HDGFL3: variants seen among roughly 807,000 people sequenced by gnomAD.
The protein encoded by HDGFL3 is hepatoma-derived growth factor-related protein 3.
A neutral mutation model predicts 27.6 loss-of-function variants in HDGFL3; 6 were observed. The ratio of observed to expected loss-of-function variants is 0.22; its 90% CI spans 0.12 to 0.43. The LOEUF (loss-of-function observed/expected upper bound fraction) is 0.43, where lower values mean the gene tolerates loss of function less well. Ranked by LOEUF, HDGFL3 falls within the 20% of genes least tolerant of loss-of-function variation. HDGFL3 has a pLI of 1.00. For missense variants in HDGFL3, 207 were observed against 250.1 expected (o/e 0.83, Z 1.16); for synonymous variants, 88 against 88.9 (o/e 0.99, Z 0.05).
intron 4 of HDGFL3, among the ~76,000 whole-genome samples, chr15:83,153,052 T>C (rs1456764890): frequency 6.8e-6 from 1 of 147,564 alleles, no homozygotes; most frequent in African/African-American, 2.5e-5. Context: ...TGGAGTGCCG[T>C]GGGGCTATCT....
In HDGFL3 at chr15:83,136,435, G is replaced by A. The variant is rs1252437788; in HGVS notation, c.*2835C>T. On this transcript the variant is annotated 3_prime_UTR_variant, in exon 6 of 6. Transcript: ENST00000299633. The stretch of plus-strand genomic sequence containing the variant: ...TTCAGAACTCATCATGCATCCAACT[G>A]AACACGTTTCATGCTTACTCAATTT... 6.6e-7 allele frequency: 1 copy of A among 1,514,618 alleles called. No individual in the cohort carries two copies. The highest frequency in any genetic ancestry group is 8.9e-7 in the Non-Finnish European group (1 of 1,128,670). 93.8% of individuals were successfully genotyped at this position (1,514,618 alleles called of 1,614,324 possible).
intron 5 of HDGFL3, among the ~76,000 whole-genome samples, chr15:83,139,804 CAT>C (rs999487459): frequency 2.6e-5 from 4 of 152,024 alleles, no homozygotes; most frequent in African/African-American, 4.8e-5. Context: ...TTAAAAAAAA[CAT>C]AAAGAATAAG....
At chr15:83,123,048 A>G (rs1287544964), downstream of HDGFL3, among the ~76,000 whole-genome samples, 1 of 152,226 alleles carries the variant, frequency 6.6e-6, no homozygotes, top group African/African-American at 2.4e-5. Flanking sequence ...TAATGTAGGC[A>G]AGAAGGTCTG....
intron 4 of HDGFL3, among the ~76,000 whole-genome samples, chr15:83,156,036 T>C (rs2037024895): frequency 1.3e-5 from 2 of 152,214 alleles, no homozygotes; most frequent in Admixed American, 1.3e-4. Context: ...TATTGTTAGA[T>C]TTGGAATAAA....
intron 2 of HDGFL3, among the ~76,000 whole-genome samples, chr15:83,160,145 T>C (rs1028734278): frequency 1.3e-5 from 2 of 151,990 alleles, no homozygotes; most frequent in Non-Finnish European, 2.9e-5. Flanking sequence ...ATGGGCTGCA[T>C]ATGGCATATG....
chr15:83,145,456 A>C (rs1410943328), intron 5 of HDGFL3, among the ~76,000 whole-genome samples: 2 of 152,160 alleles, frequency 1.3e-5, no homozygotes, highest in Non-Finnish European at 2.9e-5. Context: ...CTTTCCCTGT[A>C]ACCCTCTCAA....
chr15:83,203,125 A>G (rs1406104389), intron 1 of HDGFL3, among the ~76,000 whole-genome samples: 2 of 152,100 alleles, frequency 1.3e-5, no homozygotes, highest in Non-Finnish European at 2.9e-5. Context: ...TTCTCATATA[A>G]AGTTTTTAAG....
chr15:83,150,478 T>C (rs1014163960), intron 5 of HDGFL3, among the ~76,000 whole-genome samples: 1 of 152,102 alleles, frequency 6.6e-6, no homozygotes, highest in African/African-American at 2.4e-5. Flanking sequence ...TATAGATAAC[T>C]GGGATGAAGG....
chr15:83,137,472 T>C lies in HDGFL3; in HGVS notation c.*1798A>G, dbSNP rs1037928714. On this transcript the variant is annotated 3_prime_UTR_variant, in exon 6 of 6. Transcript: ENST00000299633. ...CAAAATGCCATCTACATTCCCCTTA[T>C]GTTTCAGTGTGAGCAATGAAGAGGT... The C allele has an allele frequency of 3.3e-5, 5 of 152,196 alleles. No individual in the cohort carries two copies. Among genetic ancestry groups the C allele is most frequent in the Admixed American group, 3.3e-4 (5 of 15,278 alleles). The allele number at this position is 152,196 out of a possible 1,614,324, so 9.4% of individuals were successfully genotyped here.
intron 1 of HDGFL3, among the ~76,000 whole-genome samples, chr15:83,196,088 A>G (rs1198647689): frequency 6.6e-6 from 1 of 152,016 alleles, no homozygotes; most frequent in Non-Finnish European, 1.5e-5. Flanking sequence ...ATGTAGAAAT[A>G]TAATAGATAT....
At chr15:83,167,701 G>A (rs1382204332) in intron 1 of HDGFL3, among the ~76,000 whole-genome samples, 2 of 152,116 alleles carry the variant, frequency 1.3e-5, no homozygotes, top group African/African-American at 2.4e-5. Flanking sequence ...CCAGACCAAT[G>A]AAAAGACAGC....
downstream of HDGFL3, among the ~76,000 whole-genome samples, chr15:83,123,341 G>C (rs960030736): frequency 3.9e-5 from 6 of 152,186 alleles, no homozygotes; most frequent in Non-Finnish European, 8.8e-5. Flanking sequence ...CAGGCCCATA[G>C]AGACTGGCTA....
intron 5 of HDGFL3, among the ~76,000 whole-genome samples, chr15:83,141,933 G>C (rs566198435): frequency 6.6e-6 from 1 of 152,142 alleles, no homozygotes; most frequent in Non-Finnish European, 1.5e-5. Flanking sequence ...GCTCAGTATC[G>C]CTGATCATTA....
rs564306913 is a variant in HDGFL3, at chr15:83,207,682, C to CCCGCCG, written c.-274_-269dup. The CCCGCCG allele has an allele frequency of 3.3e-3, 503 of 152,166 alleles. 3 individuals are homozygous for CCCGCCG. The highest frequency in any genetic ancestry group is 0.027 in the South Asian group (152 of 5,646). The allele number at this position is 152,166 out of a possible 1,614,324, so 9.4% of individuals were successfully genotyped here. ...GCCCGCGTCCGGCCGCGCCAAGGTC[C>CCCGCCG]CCGCCGCCGCCGCCGCCGCCGCCGC... On this transcript the variant is annotated 5_prime_UTR_variant, in exon 1 of 6. Coordinates refer to ENST00000299633, the MANE Select transcript of HDGFL3 (RefSeq NM_016073.4). This position sits in a 1 kb window ranked among gnomAD's most constrained non-coding sequence, Gnocchi z 4.8.
At chr15:83,163,409 C>T (rs993099414) in intron 2 of HDGFL3, among the ~76,000 whole-genome samples, 6 of 152,132 alleles carry the variant, frequency 3.9e-5, no homozygotes, top group African/African-American at 9.7e-5. Context: ...CAGCTCCGGT[C>T]CCTAGGGCAA....
At chr15:83,201,159 T>C (rs1249559381) in intron 1 of HDGFL3, among the ~76,000 whole-genome samples, 1 of 151,700 alleles carries the variant, frequency 6.6e-6, no homozygotes, top group Non-Finnish European at 1.5e-5. Flanking sequence ...AGTCAGTACT[T>C]CTACTCTACC....
At chr15:83,155,832 C>T (rs1297349179) in intron 4 of HDGFL3, among the ~76,000 whole-genome samples, 1 of 152,162 alleles carries the variant, frequency 6.6e-6, no homozygotes, top group African/African-American at 2.4e-5. Context: ...ATGTGACAGA[C>T]CAATTATAGT....
chr15:83,115,727 T>C (rs1315430426), exon 4 of HDGFL3: 2 of 766,508 alleles, frequency 2.6e-6, no homozygotes, highest in Non-Finnish European at 4.6e-6. Context: ...TCTCGATAAT[T>C]GTCCACAGCA....
chr15:83,171,605 TG>T (rs1232909007), intron 1 of HDGFL3, among the ~76,000 whole-genome samples: 1 of 152,230 alleles, frequency 6.6e-6, no homozygotes, highest in Non-Finnish European at 1.5e-5. Flanking sequence ...TGGATGCAGC[TG>T]GAGGCCATTA....
Sources: allele counts gnomAD v4.1 joint callset (sites outside exome capture counted in the v4.1 genomes callset), GRCh38; gene constraint gnomAD v4.1.1; non-coding constraint Gnocchi (gnomAD v3.1); transcripts MANE v1.5; gene names NCBI Gene and HGNC (gene_info 2026-07-23, HGNC 2026-07-21).